Variants in UBAP2 observed in about 807,000 individuals in gnomAD.
The protein encoded by UBAP2 is ubiquitin associated protein 2.
UBAP2 carries 75 observed loss-of-function variants against 139.6 expected under a neutral mutation model. The observed-to-expected ratio is 0.54, with a 90% CI of 0.45 to 0.65. UBAP2 has a LOEUF of 0.65. UBAP2 is among the 30% of genes least tolerant of loss of function. The pLI is 0.00. For synonymous variants in UBAP2, 526 were observed against 526.2 expected, an observed-to-expected ratio of 1.00 and a Z score of 0.01; for missense variants, 1,368 against 1,369.6, an observed-to-expected ratio of 1.00 and a Z score of 0.02.
chr9:33,925,695 G>A (rs1398740206), intron 22 of UBAP2, among the ~76,000 whole-genome samples: 1 of 152,176 alleles, frequency 6.6e-6, no homozygotes, highest in African/African-American at 2.4e-5. Context: ...CAGTGGAAAG[G>A]GCTACTCTTC....
At chr9:34,022,907 A>C (rs771613626) in intron 1 of UBAP2, among the ~76,000 whole-genome samples, 1 of 151,016 alleles carries the variant, frequency 6.6e-6, no homozygotes, top group Non-Finnish European at 1.5e-5. Flanking sequence ...TCTTTTTCTC[A>C]CTGTTTATTC....
chr9:33,999,413 A>C (rs1219759437), intron 2 of UBAP2, among the ~76,000 whole-genome samples: 1 of 152,174 alleles, frequency 6.6e-6, no homozygotes, highest in Non-Finnish European at 1.5e-5. Context: ...AGGTAATGCA[A>C]ACAACTGCCC....
intron 11 of UBAP2, among the ~76,000 whole-genome samples, chr9:33,953,780 T>C (rs1342467310): frequency 6.6e-6 from 1 of 152,148 alleles, no homozygotes; most frequent in Non-Finnish European, 1.5e-5. Flanking sequence ...AATTAAACAA[T>C]TTTCTCAAGT....
At chr9:34,018,688 C>T (rs574223444) in intron 1 of UBAP2, among the ~76,000 whole-genome samples, 30 of 152,132 alleles carry the variant, frequency 2.0e-4, no homozygotes, top group African/African-American at 7.0e-4. Context: ...ACGGTGAAAC[C>T]CCGTCTCTAC....
At chr9:33,922,633 T>C in intron 28 of UBAP2, 34 bp from the exon 29 acceptor site, 20 of 1,604,398 alleles carry the variant, frequency 1.2e-5, no homozygotes, top group Non-Finnish European at 1.6e-5. Context: ...CTGTCAAGGC[T>C]GGAGCAGAAC....
Position 34,013,641 on chromosome 9 carries a change from C to T in UBAP2, c.99+3409G>A, listed in dbSNP as rs138880045. On this transcript the variant is annotated intron_variant, in intron 2 of 28. Coordinates refer to ENST00000379238, the MANE Select transcript of UBAP2 (RefSeq NM_001370062.2). ...CCTTTAATCCCAGCACTCTGGGAGGCCAAGGTGGGCGGATCACCTGAGGTC... is the reference window on the plus strand; with the variant it reads ...CCTTTAATCCCAGCACTCTGGGAGGTCAAGGTGGGCGGATCACCTGAGGTC... Among the ~76,000 whole-genome samples, 1,443 of 152,156 alleles carry T rather than the reference C, an allele frequency of 9.5e-3. 27 individuals are homozygous for T. Among genetic ancestry groups the T allele is most frequent in the African/African-American group, 0.033 (1,360 of 41,498 alleles).
rs774542705 is a variant in UBAP2, at chr9:33,927,874, G to C, written c.2294C>G (p.Ala765Gly). The stretch of plus-strand genomic sequence containing the variant: ...GGTCCCACCCAGACAGAGGCTGTTC[G>C]CGGTGTTCATGCTACTGGACAGGCT... ...GASLSSSMNTANSLCLGGTPA... is the reference protein window; with the variant it reads ...GASLSSSMNTGNSLCLGGTPA... Residue 765 changes from alanine to glycine, a missense_variant, in exon 20 of 29, where the codon GCG becomes GGG. Coordinates refer to ENST00000379238, the MANE Select transcript of UBAP2 (RefSeq NM_001370062.2). 6.2e-7 allele frequency: 1 copy of C among 1,614,248 alleles called. No homozygotes were observed.
At chr9:34,028,299 C>T (rs1319241817) in intron 1 of UBAP2, among the ~76,000 whole-genome samples, 1 of 152,050 alleles carries the variant, frequency 6.6e-6, no homozygotes, top group East Asian at 1.9e-4. Flanking sequence ...GAATTAATTG[C>T]CCATAGCTGT....
chr9:33,952,050 T>C (rs1408564690), intron 12 of UBAP2, among the ~76,000 whole-genome samples: 1 of 151,994 alleles, frequency 6.6e-6, no homozygotes, highest in African/African-American at 2.4e-5. Flanking sequence ...CTACACAGAG[T>C]AGAAAATACT....
chr9:33,933,622 T>C lies in UBAP2; in HGVS notation c.1976A>G (p.Lys659Arg). The C allele has an allele frequency of 6.2e-7, 1 of 1,613,714 alleles. No individual in the cohort carries two copies. The highest frequency in any genetic ancestry group is 1.1e-5 in the South Asian group (1 of 91,060). ...GAGGGCAGAGGGAGGGCCTGTTGTCTTTGGAGCTGGAACAGATGAAGTAGC... is the reference window on the plus strand; with the variant it reads ...GAGGGCAGAGGGAGGGCCTGTTGTCCTTGGAGCTGGAACAGATGAAGTAGC... ...GRSQQTLDTP[K>R]TTGPPSALPS... The change falls in exon 18 of 29, where the codon AAG becomes AGG. Residue 659 changes from lysine to arginine, a missense_variant. Lys to Arg is a conservative substitution (Grantham distance 26). Transcript: ENST00000379238.
chr9:33,923,025 C>A lies in UBAP2; in HGVS notation c.3013G>T (p.Val1005Leu). 6.2e-7 allele frequency: 1 copy of A among 1,614,140 alleles called. No individual in the cohort carries two copies. The highest frequency in any genetic ancestry group is 8.5e-7 in the Non-Finnish European group (1 of 1,180,002). The change falls in exon 27 of 29, where the codon GTG (valine) becomes TTG (leucine). Residue 1005 changes from valine (V) to leucine (L), a missense_variant. Physicochemically the swap from Val to Leu is conservative, Grantham distance 32. Coordinates refer to ENST00000379238, the MANE Select transcript of UBAP2 (RefSeq NM_001370062.2). ...GGTAGACCAGTGGTGCTTGAAGACA[C>A]TGATACTCCTAGGAGGAAAAGCAGT... Reference protein sequence around the residue: ...AGSGPGKGVSVSSSTTGLPDM... With the variant: ...AGSGPGKGVSLSSSTTGLPDM...
chr9:33,962,502 C>T (rs1049565155), intron 9 of UBAP2, among the ~76,000 whole-genome samples: 3 of 151,722 alleles, frequency 2.0e-5, no homozygotes, highest in South Asian at 4.2e-4. Flanking sequence ...AAAAATTAGC[C>T]AGGCGTGGTG....
At chr9:34,013,694 C>G (rs889762989) in intron 2 of UBAP2, among the ~76,000 whole-genome samples, 1 of 150,086 alleles carries the variant, frequency 6.7e-6, no homozygotes, top group Non-Finnish European at 1.5e-5. Flanking sequence ...CTGGCCAACA[C>G]GGCGAAACCC....
intron 13 of UBAP2, 84 bp downstream of exon 13, chr9:33,948,290 A>C (rs1825809777): frequency 3.2e-6 from 4 of 1,242,326 alleles, no homozygotes; most frequent in Non-Finnish European, 4.4e-6. Context: ...GACAAATTCC[A>C]CATTAGTCTT....
chr9:33,928,098 G>C, intron 19 of UBAP2, 106 bp from the exon 20 acceptor site: 1 of 1,233,236 alleles, frequency 8.1e-7, no homozygotes, highest in Admixed American at 2.8e-5. Context: ...TGAGCAGGCA[G>C]GCAATGATGT....
intron 11 of UBAP2, among the ~76,000 whole-genome samples, chr9:33,955,504 A>G (rs1289671931): frequency 1.4e-5 from 2 of 146,532 alleles, no homozygotes; most frequent in African/African-American, 5.1e-5. Context: ...TAGGCGACAG[A>G]GTGAGACTCC....
chr9:34,000,731 GA>G (rs1474612773), intron 2 of UBAP2, among the ~76,000 whole-genome samples: 1 of 152,194 alleles, frequency 6.6e-6, no homozygotes, highest in African/African-American at 2.4e-5. Flanking sequence ...ACTGAAGTGG[GA>G]TAAGTGGGAG....
chr9:33,937,349 G>A (rs546135932), intron 16 of UBAP2, among the ~76,000 whole-genome samples: 1 of 152,068 alleles, frequency 6.6e-6, no homozygotes, highest in South Asian at 2.1e-4. Flanking sequence ...GCTCACACCC[G>A]TAGTCCCAGC....
rs140609988 is a variant in UBAP2 at position 34,039,947 on chromosome 9, C to T, written c.-42+8878G>A. Reference sequence around the variant, plus strand: ...GCCGAGGCGGGCGATCACCTGAGGTCGGGAGTTCAAGACCAGCCTGATGAA... The same window carrying T: ...GCCGAGGCGGGCGATCACCTGAGGTTGGGAGTTCAAGACCAGCCTGATGAA... On this transcript the variant is annotated intron_variant, in intron 1 of 28. Coordinates refer to ENST00000379238, the MANE Select transcript of UBAP2 (RefSeq NM_001370062.2). 6.1e-3 allele frequency among the ~76,000 whole-genome samples: 921 copies of T among 150,546 alleles called. 7 individuals carry two copies. The highest frequency in any genetic ancestry group is 0.021 in the African/African-American group (871 of 41,034).
Sources: allele counts gnomAD v4.1 joint callset (sites outside exome capture counted in the v4.1 genomes callset), GRCh38; gene constraint gnomAD v4.1.1; transcripts MANE v1.5; gene names NCBI Gene and HGNC (gene_info 2026-07-23, HGNC 2026-07-21).